ACAN: variants seen among roughly 807,000 people sequenced by gnomAD.
ACAN encodes the protein aggrecan core protein.
In ACAN, 47 loss-of-function variants were observed where a neutral mutation model predicts 169.1. The observed-to-expected ratio is 0.28, with a 90% CI of 0.22 to 0.35. The LOEUF is 0.35. ACAN is among the 10% of genes least tolerant of loss of function. ACAN has a pLI of 1.00. For missense variants in ACAN, 2,716 were observed against 2,759.9 expected, an observed-to-expected ratio of 0.98 and a Z score of 0.36; for synonymous variants, 1,115 against 1,112.2, an observed-to-expected ratio of 1.00 and a Z score of -0.05.
Position 88,838,924 on chromosome 15 carries a change from C to A in ACAN, c.332C>A (p.Ala111Asp), listed in dbSNP as rs1297420839. ...QDKVSLPNYP[A>D]IPSDATLEVQ... The stretch of plus-strand genomic sequence containing the variant: ...AAGGTCTCACTGCCCAACTACCCGG[C>A]CATCCCCAGTGACGCCACCTTGGAA... The change falls in exon 3 of 19, where the codon GCC becomes GAC. Residue 111 changes from alanine to aspartate, a missense_variant. By Grantham distance (126) the Ala-to-Asp change is moderately radical. Around this residue, in one of 3 missense-constraint regions of ACAN, gnomAD observed 1,283 missense variants for 1,281.5 expected, o/e 1.00. Coordinates refer to ENST00000560601, the MANE Select transcript of ACAN (RefSeq NM_001369268.1). The surrounding 1 kb of genome is among the most constrained non-coding windows in gnomAD (Gnocchi z 5.1). 2 of 1,614,016 alleles carry A rather than the reference C, an allele frequency of 1.2e-6. No homozygotes were observed. The highest frequency in any genetic ancestry group is 1.7e-6 in the Non-Finnish European group (2 of 1,179,894).
intron 11 of ACAN, among the ~76,000 whole-genome samples, chr15:88,852,593 A>G (rs1896955859): frequency 6.6e-6 from 1 of 152,236 alleles, no homozygotes; most frequent in Non-Finnish European, 1.5e-5. Context: ...ACCTTGTTGG[A>G]TAAAGTGTTT....
At chr15:88,832,347 C>T (rs1183931734) in intron 1 of ACAN, among the ~76,000 whole-genome samples, 1 of 151,194 alleles carries the variant, frequency 6.6e-6, no homozygotes, top group Non-Finnish European at 1.5e-5. Flanking sequence ...CCATGGCTCA[C>T]ACCTGTAATC....
chr15:88,869,496 C>G lies in ACAN; in HGVS notation c.7060+1167C>G, dbSNP rs997114192. Among the ~76,000 whole-genome samples, 3 of 152,152 alleles carry G rather than the reference C, an allele frequency of 2.0e-5. No homozygotes were observed. Among genetic ancestry groups the G allele is most frequent in the African/African-American group, 7.2e-5 (3 of 41,420 alleles). ...CCACCCTCCATCCTCACCCCAAGACCCCAAGAAATTGGTATATGGGGTCTT... is the reference window on the plus strand; with the variant it reads ...CCACCCTCCATCCTCACCCCAAGACGCCAAGAAATTGGTATATGGGGTCTT... On this transcript the variant is annotated intron_variant, in intron 14 of 18. Coordinates refer to ENST00000560601, the MANE Select transcript of ACAN (RefSeq NM_001369268.1). The surrounding 1 kb of genome is among the most constrained non-coding windows in gnomAD (Gnocchi z 4.2).
At chr15:88,820,792 T>C (rs1472033887) in intron 1 of ACAN, among the ~76,000 whole-genome samples, 2 of 152,132 alleles carry the variant, frequency 1.3e-5, no homozygotes, top group East Asian at 3.9e-4. Flanking sequence ...ATAAGGTCTT[T>C]CTCCATTGCC....
At chr15:88,833,794 C>A (rs1896427634) in intron 1 of ACAN, among the ~76,000 whole-genome samples, 1 of 138,196 alleles carries the variant, frequency 7.2e-6, no homozygotes, top group African/African-American at 2.7e-5. Flanking sequence ...GGAGAGAAAT[C>A]AAGCCGTCCA....
Position 88,843,446 on chromosome 15 carries a change from G to T in ACAN, c.849G>T (p.Thr283=), listed in dbSNP as rs534544364. 5.6e-6 allele frequency: 9 copies of T among 1,609,614 alleles called. No individual in the cohort carries two copies. Among genetic ancestry groups the T allele is most frequent in the Non-Finnish European group, 7.6e-6 (9 of 1,177,400 alleles). ...GGCTGGGTGCCCGGCTGGCCACCAC[G>T]GGCCAGCTCTACCTGGCCTGGCAGG... ...CRRLGARLAT[T]GQLYLAWQAG... The change falls in exon 6 of 19, where the codon ACG becomes ACT. Residue 283 remains threonine (T), a synonymous_variant. Coordinates refer to ENST00000560601, the MANE Select transcript of ACAN (RefSeq NM_001369268.1). The surrounding 1 kb of genome is among the most constrained non-coding windows in gnomAD (Gnocchi z 4.0).
chr15:88,831,989 T>G (rs1272832769), intron 1 of ACAN, among the ~76,000 whole-genome samples: 1 of 152,092 alleles, frequency 6.6e-6, no homozygotes, highest in East Asian at 1.9e-4. Flanking sequence ...GTGGAACTCT[T>G]GGATGTAAAT....
rs1391514721 is a variant in ACAN at position 88,868,317 on chromosome 15, C to A, written c.7048C>A (p.Leu2350Met). Residue 2350 changes from leucine (L) to methionine (M), a missense_variant, in exon 14 of 19, where the codon CTG (leucine) becomes ATG (methionine). Leu to Met is a conservative substitution (Grantham distance 15, BLOSUM62 2). Around this residue, in one of 3 missense-constraint regions of ACAN, gnomAD observed 1,389 missense variants for 1,363.7 expected, o/e 1.02. Transcript: ENST00000560601. The surrounding 1 kb of genome is among the most constrained non-coding windows in gnomAD (Gnocchi z 5.2). ...ATGCCTTCCCAGCTACGAAGGGGAC[C>A]TGTGTGAGATTGGTACGGCCGTCTT... ...CLCLPSYEGDLCEIDQEVCEE... is the reference protein window; with the variant it reads ...CLCLPSYEGDMCEIDQEVCEE... 1.4e-6 allele frequency: 1 copy of A among 702,714 alleles called. No homozygotes were observed. The highest frequency in any genetic ancestry group is 2.6e-6 in the Non-Finnish European group (1 of 384,846). The allele number at this position is 702,714 out of a possible 1,614,324, so 43.5% of individuals were successfully genotyped here. A position where few individuals can be genotyped will look rare whatever the true frequency, so the allele number is the denominator to read the frequency against.
chr15:88,839,881 T>G lies in ACAN; in HGVS notation c.455-131T>G. On this transcript the variant is annotated intron_variant, in intron 3 of 18. Coordinates refer to ENST00000560601, the MANE Select transcript of ACAN (RefSeq NM_001369268.1). This position sits in a 1 kb window ranked among gnomAD's most constrained non-coding sequence, Gnocchi z 4.5. The stretch of plus-strand genomic sequence containing the variant: ...ATCACGTGCAAAGGTGTACAGGGAG[T>G]CATGCATCAGCCCAGACCAGCCAGT... 9.6e-7 allele frequency: 1 copy of G among 1,038,150 alleles called. No homozygotes were observed. Among genetic ancestry groups the G allele is most frequent in the Non-Finnish European group, 1.4e-6 (1 of 714,908 alleles). 64.3% of individuals were successfully genotyped at this position (1,038,150 alleles called of 1,614,324 possible).
rs1895706121 is a variant in ACAN at position 88,807,281 on chromosome 15, C to A, written c.-8+3472C>A. Among the ~76,000 whole-genome samples, 1 of 152,164 alleles carries A rather than the reference C, an allele frequency of 6.6e-6. No homozygotes were observed. The highest frequency in any genetic ancestry group is 1.5e-5 in the Non-Finnish European group (1 of 68,024). ...TAAGTAGAGCAGGGGAGGGGACAGG[C>A]CAGCAGCTGCCCTGGGAAAGGGGAT... On this transcript the variant is annotated intron_variant, in intron 1 of 18. Coordinates refer to ENST00000560601, the MANE Select transcript of ACAN (RefSeq NM_001369268.1). The surrounding 1 kb of genome is among the most constrained non-coding windows in gnomAD (Gnocchi z 4.0).
Position 88,843,255 on chromosome 15 carries a change from G to A in ACAN, c.758-100G>A, listed in dbSNP as rs560356767. ...GGGACCAGGACTTTGGGAAGTTAAA[G>A]GACTCCCAAGACCTCGTGGAAAAGT... On this transcript the variant is annotated intron_variant, in intron 5 of 18. Transcript: ENST00000560601. This position sits in a 1 kb window ranked among gnomAD's most constrained non-coding sequence, Gnocchi z 4.0. 8.6e-7 allele frequency: 1 copy of A among 1,161,114 alleles called. No individual in the cohort carries two copies. The highest frequency in any genetic ancestry group is 1.6e-5 in the African/African-American group (1 of 64,118). The allele number at this position is 1,161,114 out of a possible 1,614,324, so 71.9% of individuals were successfully genotyped here.
At chr15:88,820,150 C>T (rs1896038447) in intron 1 of ACAN, among the ~76,000 whole-genome samples, 1 of 152,136 alleles carries the variant, frequency 6.6e-6, no homozygotes, top group African/African-American at 2.4e-5. Context: ...TGGATATATG[C>T]AATTTTTAAA....
At chr15:88,854,754 T>G (rs1369740042) in intron 11 of ACAN, 98 bp from the exon 12 acceptor site, 1 of 1,298,272 alleles carries the variant, frequency 7.7e-7, no homozygotes, top group Non-Finnish European at 9.9e-7. Context: ...GAGAAAAATT[T>G]TACTGTGGAA....
intron 1 of ACAN, among the ~76,000 whole-genome samples, chr15:88,817,275 G>A (rs921090183): frequency 2.0e-5 from 3 of 152,084 alleles, no homozygotes; most frequent in Non-Finnish European, 2.9e-5. Flanking sequence ...CAGAGTAGCT[G>A]TGACTACAGG....
chr15:88,827,443 T>G (rs962822194), intron 1 of ACAN, among the ~76,000 whole-genome samples: 1 of 152,224 alleles, frequency 6.6e-6, no homozygotes, highest in African/African-American at 2.4e-5. Flanking sequence ...GTGGGTGGTG[T>G]TTCTTATCAG....
chr15:88,854,608 C>G (rs759227163), intron 11 of ACAN, among the ~76,000 whole-genome samples: 1 of 152,180 alleles, frequency 6.6e-6, no homozygotes, highest in Non-Finnish European at 1.5e-5. Flanking sequence ...TTCCCTACCT[C>G]CCTCCTTCCT....
Position 88,840,177 on chromosome 15 carries a change from AG to A in ACAN, c.621del (p.Thr208LeufsTer23). ...TGTGACGCCGGCTGGCTGGCTGACC[AG>A]ACTGTCAGGTGAGCCCTAGCCCATC... Reference protein sequence around the residue: ...HQCDAGWLADQTVRYPIHTPR... With the variant: ...HQCDAGWLADXTVRYPIHTPR... On this transcript the variant is annotated frameshift_variant, in exon 4 of 19. Coordinates refer to ENST00000560601, the MANE Select transcript of ACAN (RefSeq NM_001369268.1). LOFTEE classifies it high-confidence loss of function. 1 of 1,597,902 alleles carries A rather than the reference AG, an allele frequency of 6.3e-7. No homozygotes were observed. Among genetic ancestry groups the A allele is most frequent in the Non-Finnish European group, 8.5e-7 (1 of 1,173,946 alleles).
chr15:88,842,997 T>C (rs1191030356), intron 5 of ACAN, among the ~76,000 whole-genome samples: 1 of 152,162 alleles, frequency 6.6e-6, no homozygotes, highest in Non-Finnish European at 1.5e-5. Context: ...TTGCCTTGAG[T>C]AGGCAATGCT....
rs767595242 is a variant in ACAN, at chr15:88,841,806, G to C, written c.696G>C (p.Thr232=). 4 of 1,613,550 alleles carry C rather than the reference G, an allele frequency of 2.5e-6. No homozygotes were observed. In the South Asian group the frequency reaches 4.4e-5, roughly 18 times the overall value. ...AGGATGAGTTTCCTGGTGTGAGGAC[G>C]TATGGCATCCGAGACACCAACGAGA... The part of the protein sequence containing the change: ...GDKDEFPGVR[T]YGIRDTNETY... The change falls in exon 5 of 19, where the codon ACG becomes ACC. Residue 232 remains threonine (T), a synonymous_variant. Coordinates refer to ENST00000560601, the MANE Select transcript of ACAN (RefSeq NM_001369268.1).
Sources: allele counts gnomAD v4.1 joint callset (sites outside exome capture counted in the v4.1 genomes callset), GRCh38; gene constraint gnomAD v4.1.1; regional missense constraint gnomAD v4.1.1; non-coding constraint Gnocchi (gnomAD v3.1); transcripts MANE v1.5; gene names NCBI Gene and HGNC (gene_info 2026-07-23, HGNC 2026-07-21).